The following BNC2 variants were observed in gnomAD, a reference collection of about 807,000 sequenced individuals.
BNC2 encodes the protein zinc finger protein basonuclin-2.
BNC2 carries 20 observed loss-of-function variants against 76.3 expected under a neutral mutation model. The ratio of observed to expected loss-of-function variants is 0.26; its 90% confidence interval spans 0.18 to 0.38. BNC2 has a LOEUF of 0.38. Among genes scored for constraint, BNC2 ranks in the 10% least tolerant of loss-of-function variants. BNC2 has a pLI of 1.00. For missense variants in BNC2, 1,382 were observed against 1,399.8 expected (o/e 0.99, Z 0.20); for synonymous variants, 582 against 514.8 (o/e 1.13, Z -1.77).
intron 5 of BNC2, among the ~76,000 whole-genome samples, chr9:16,464,630 C>A (rs1176313138): frequency 6.6e-6 from 1 of 152,018 alleles, no homozygotes; most frequent in African/African-American, 2.4e-5. Flanking sequence ...TTTGAAAGAA[C>A]AGTCTTTAAT....
chr9:16,698,064 A>T (rs1823390868), intron 3 of BNC2, among the ~76,000 whole-genome samples: 1 of 152,230 alleles, frequency 6.6e-6, no homozygotes, highest in Non-Finnish European at 1.5e-5. Flanking sequence ...TTGTAAATAA[A>T]GTTTTATTGA....
chr9:16,727,331 C>T (rs1369015421), intron 3 of BNC2: 1 of 170,264 alleles, frequency 5.9e-6, no homozygotes, highest in East Asian at 1.7e-4. Flanking sequence ...ACGAAGCTGC[C>T]TCCAGCCACA....
At chr9:16,751,656 A>ATATGTGTG (rs1368349872) in intron 1 of BNC2, among the ~76,000 whole-genome samples, 1 of 64,598 alleles carries the variant, frequency 1.5e-5, no homozygotes, top group Non-Finnish European at 3.9e-5. Flanking sequence ...GTGTGTATAT[A>ATATGTGTG]TATATGTATG....
At chr9:16,515,285 C>T (rs1449930671) in intron 5 of BNC2, among the ~76,000 whole-genome samples, 2 of 152,178 alleles carry the variant, frequency 1.3e-5, no homozygotes, top group African/African-American at 4.8e-5. Context: ...GTGACCTGAA[C>T]ACTGCATCCC....
At chr9:16,631,099 A>G (rs1821148356) in intron 3 of BNC2, among the ~76,000 whole-genome samples, 1 of 152,122 alleles carries the variant, frequency 6.6e-6, no homozygotes, top group Non-Finnish European at 1.5e-5. Context: ...AACTACATTT[A>G]TGGGGTACGT....
chr9:16,682,952 A>C (rs569768301), intron 3 of BNC2, among the ~76,000 whole-genome samples: 75 of 152,360 alleles, frequency 4.9e-4, no homozygotes, highest in Admixed American at 8.5e-4. Context: ...TGATTGCATA[A>C]GAGTGGGATT....
At chr9:16,760,219 C>T (rs1288723992) in intron 1 of BNC2, among the ~76,000 whole-genome samples, 1 of 152,132 alleles carries the variant, frequency 6.6e-6, no homozygotes, top group East Asian at 1.9e-4. Flanking sequence ...AATGTAACCT[C>T]CTCAAGGTGA....
intron 5 of BNC2, among the ~76,000 whole-genome samples, chr9:16,463,925 G>A (rs1482322667): frequency 1.3e-5 from 2 of 151,700 alleles, no homozygotes; most frequent in African/African-American, 4.8e-5. Flanking sequence ...GCGAAACCTT[G>A]TCTCTACTTA....
rs2118887139 is a variant in BNC2, at chr9:16,410,897, G to A, written c.*8092C>T. On this transcript the variant is annotated 3_prime_UTR_variant, in exon 7 of 7. Coordinates refer to ENST00000380672, the MANE Select transcript of BNC2 (RefSeq NM_017637.6). ...AACAGCCTTGGTGTATACATCTCAA[G>A]TGAACCTATTAACTCAGCACATTGT... The A allele has an allele frequency of 6.6e-6, 1 of 152,320 alleles. No homozygotes were observed. Among genetic ancestry groups the A allele is most frequent in the African/African-American group, 2.4e-5 (1 of 41,556 alleles). The allele number at this position is 152,320 out of a possible 1,614,324, so 9.4% of individuals were successfully genotyped here.
At chr9:16,805,963 G>C (rs1817899533) in intron 1 of BNC2, among the ~76,000 whole-genome samples, 1 of 152,120 alleles carries the variant, frequency 6.6e-6, no homozygotes, top group Non-Finnish European at 1.5e-5. Context: ...AATAGTTTGT[G>C]AAGCAAACAG....
At chr9:16,580,178 G>A (rs866727568) in intron 4 of BNC2, 1 of 398,532 alleles carries the variant, frequency 2.5e-6, no homozygotes, top group Middle Eastern at 6.3e-4. Context: ...GAAGCAATTA[G>A]TTGTAATGCT....
intron 3 of BNC2, among the ~76,000 whole-genome samples, chr9:16,721,836 G>C (rs1824166112): frequency 6.6e-6 from 1 of 152,130 alleles, no homozygotes; most frequent in Non-Finnish European, 1.5e-5. Flanking sequence ...TTAATTCCTA[G>C]ATCGATTCAA....
At chr9:16,759,983 A>C (rs1251209415) in intron 1 of BNC2, among the ~76,000 whole-genome samples, 1 of 152,196 alleles carries the variant, frequency 6.6e-6, no homozygotes. Context: ...TCGGCCTCCC[A>C]AAGTGCTGGG....
At chr9:16,675,619 C>A (rs1352574758) in intron 3 of BNC2, among the ~76,000 whole-genome samples, 2 of 152,146 alleles carry the variant, frequency 1.3e-5, no homozygotes, top group African/African-American at 4.8e-5. Flanking sequence ...TTGTTAAACT[C>A]TAAAGGAATA....
At chr9:16,552,018 A>G (rs920479421) in intron 5 of BNC2, among the ~76,000 whole-genome samples, 3 of 152,192 alleles carry the variant, frequency 2.0e-5, no homozygotes, top group African/African-American at 7.2e-5. Flanking sequence ...TACTGGTTAT[A>G]TAAGTTTATA....
intron 1 of BNC2, among the ~76,000 whole-genome samples, chr9:16,750,227 G>C (rs1379357612): frequency 1.3e-5 from 2 of 152,146 alleles, no homozygotes; most frequent in Non-Finnish European, 2.9e-5. Flanking sequence ...GGAAAAAATG[G>C]TGAAGGTAGA....
chr9:16,667,706 G>C (rs1044224705), intron 3 of BNC2, among the ~76,000 whole-genome samples: 1 of 152,108 alleles, frequency 6.6e-6, no homozygotes, highest in Non-Finnish European at 1.5e-5. Context: ...TAATATGAAA[G>C]TTAAGAAAGG....
At chr9:16,748,261 C>T (rs1825067873) in intron 1 of BNC2, among the ~76,000 whole-genome samples, 1 of 152,186 alleles carries the variant, frequency 6.6e-6, no homozygotes, top group Non-Finnish European at 1.5e-5. Context: ...CGCTTGTAAT[C>T]CCAGCACTTT....
At chr9:16,538,733 A>G (rs945112937) in intron 5 of BNC2, among the ~76,000 whole-genome samples, 4 of 152,188 alleles carry the variant, frequency 2.6e-5, no homozygotes, top group African/African-American at 4.8e-5. Context: ...CCAGGTTGAA[A>G]TTTACGTTAG....
Sources: allele counts gnomAD v4.1 joint callset (sites outside exome capture counted in the v4.1 genomes callset), GRCh38; gene constraint gnomAD v4.1.1; transcripts MANE v1.5; gene names NCBI Gene and HGNC (gene_info 2026-07-23, HGNC 2026-07-21).